Variants in CACNA2D4 observed in about 807,000 individuals in gnomAD.
CACNA2D4 encodes the protein calcium voltage-gated channel auxiliary subunit alpha2delta 4, also known as voltage-dependent calcium channel subunit alpha-2/delta-4.
A neutral mutation model predicts 163.8 loss-of-function variants in CACNA2D4; 157 were observed. The observed-to-expected ratio is 0.96, with a 90% CI of 0.84 to 1.09. CACNA2D4 has a LOEUF of 1.09. Ranked by LOEUF, CACNA2D4 falls within the 50% of genes least tolerant of loss-of-function variation. CACNA2D4 has a pLI of 0.00. For synonymous variants in CACNA2D4, 598 were observed against 586.9 expected (o/e 1.02, Z -0.27); for missense variants, 1,410 against 1,479.9 (o/e 0.95, Z 0.78).
At chr12:1,866,107 G>C (rs1865646655) in intron 18 of CACNA2D4, among the ~76,000 whole-genome samples, 5 of 152,196 alleles carry the variant, frequency 3.3e-5, no homozygotes, top group African/African-American at 9.6e-5. Context: ...GGGTGAGAGT[G>C]TTCAATATTT....
In CACNA2D4 at chr12:1,858,691, G is replaced by A. The variant is rs374659883; in HGVS notation, c.1941-47C>T. 4.2e-5 allele frequency: 63 copies of A among 1,492,926 alleles called. 1 individual carries two copies. Among genetic ancestry groups the A allele is most frequent in the Admixed American group, 2.8e-4 (15 of 54,086 alleles). 92.5% of individuals were successfully genotyped at this position (1,492,926 alleles called of 1,614,324 possible). ...CACTCATTCAGCAGCAGCAGATGCC[G>A]GCCTGTCTCCCGGGCCTCGTCCTTG... On this transcript the variant is annotated intron_variant, in intron 19 of 37. Coordinates refer to ENST00000382722, the MANE Select transcript of CACNA2D4 (RefSeq NM_172364.5).
chr12:1,828,053 C>G lies in CACNA2D4; in HGVS notation c.2551+12686G>C. On this transcript the variant is annotated intron_variant, in intron 26 of 37. Transcript: ENST00000382722. This position sits in a 1 kb window ranked among gnomAD's most constrained non-coding sequence, Gnocchi z 4.2. ...AACGGGGCTCCCGCGCCTGCCTGTG[C>G]TCAGTGCTCCTCCCTCCCTCAGGAC... 9.7e-6 allele frequency: 12 copies of G among 1,232,466 alleles called. No homozygotes were observed. Among genetic ancestry groups the G allele is most frequent in the Non-Finnish European group, 1.2e-5 (11 of 924,686 alleles). The allele number at this position is 1,232,466 out of a possible 1,614,324, so 76.3% of individuals were successfully genotyped here.
intron 29 of CACNA2D4, among the ~76,000 whole-genome samples, chr12:1,803,081 T>G (rs1863394362): frequency 6.6e-6 from 1 of 152,156 alleles, no homozygotes; most frequent in African/African-American, 2.4e-5. Flanking sequence ...TGATGACATG[T>G]GTGATAACTA....
At position 1,827,832 on chromosome 12, in the gene CACNA2D4, A is replaced by G. The variant is rs148779532; in HGVS notation, c.2551+12907T>C. On this transcript the variant is annotated intron_variant, in intron 26 of 37. Transcript: ENST00000382722. ...TGAGGCTGGGTAGGCCCATGGGTGC[A>G]CCCCCAGCTTTGCGGCACTGTGCCC... The G allele has an allele frequency of 1.0e-3, 355 of 338,714 alleles. 4 individuals carry two copies. Among genetic ancestry groups the G allele is most frequent in the African/African-American group, 7.0e-3 (331 of 47,362 alleles). 21.0% of individuals were successfully genotyped at this position (338,714 alleles called of 1,614,324 possible).
At chr12:1,896,635 AC>A (rs879882183) in intron 6 of CACNA2D4, among the ~76,000 whole-genome samples, 7,281 of 143,922 alleles carry the variant, frequency 0.051, 357 homozygotes, top group African/African-American at 0.13. Context: ...ACACACACAC[AC>A]ACACACACAC....
At position 1,828,149 on chromosome 12, in the gene CACNA2D4, A is replaced by G; in HGVS notation, c.2551+12590T>C. The G allele has an allele frequency of 6.5e-7, 1 of 1,540,926 alleles. No individual in the cohort carries two copies. The highest frequency in any genetic ancestry group is 8.8e-7 in the Non-Finnish European group (1 of 1,142,266). Reference sequence around the variant, plus strand: ...GGCCCGGAGAGCCGTGGGCCTCACCATGCTGGCGCCGGGCAGCAGCCCTGG... The same window carrying G: ...GGCCCGGAGAGCCGTGGGCCTCACCGTGCTGGCGCCGGGCAGCAGCCCTGG... On this transcript the variant is annotated intron_variant, in intron 26 of 37. Coordinates refer to ENST00000382722, the MANE Select transcript of CACNA2D4 (RefSeq NM_172364.5). This position sits in a 1 kb window ranked among gnomAD's most constrained non-coding sequence, Gnocchi z 4.2.
In CACNA2D4 at chr12:1,844,683, G is replaced by A. The variant is rs576794012; in HGVS notation, c.2343-154C>T. Among the ~76,000 whole-genome samples the A allele has an allele frequency of 2.2e-4, 33 of 152,298 alleles. 1 individual carries two copies. The highest frequency in any genetic ancestry group is 1.8e-3 in the Admixed American group (27 of 15,302). Reference sequence around the variant, plus strand: ...CAGACAATGCTTCCCAGCAATTCTCGCCTTTTCCAGAAACAAAACGATGTC... The same window carrying A: ...CAGACAATGCTTCCCAGCAATTCTCACCTTTTCCAGAAACAAAACGATGTC... On this transcript the variant is annotated intron_variant, in intron 24 of 37. Coordinates refer to ENST00000382722, the MANE Select transcript of CACNA2D4 (RefSeq NM_172364.5). This position sits in a 1 kb window ranked among gnomAD's most constrained non-coding sequence, Gnocchi z 4.2.
chr12:1,908,576 C>G (rs1240158553), intron 4 of CACNA2D4, among the ~76,000 whole-genome samples: 1 of 152,132 alleles, frequency 6.6e-6, no homozygotes, highest in Non-Finnish European at 1.5e-5. Context: ...TTCCTCCACA[C>G]GACCGGGTTC....
intron 6 of CACNA2D4, among the ~76,000 whole-genome samples, chr12:1,896,132 T>C (rs918920984): frequency 1.7e-4 from 26 of 152,174 alleles, no homozygotes; most frequent in African/African-American, 6.3e-4. Context: ...ACTATAAAGC[T>C]ACTAGAAGAA....
intron 24 of CACNA2D4, among the ~76,000 whole-genome samples, chr12:1,845,270 G>A (rs1249904940): frequency 6.6e-6 from 1 of 151,992 alleles, no homozygotes; most frequent in Non-Finnish European, 1.5e-5. Flanking sequence ...AGAGGCACTG[G>A]GAAGGTCTGT....
At chr12:1,892,334 G>C (rs1040386018) in intron 6 of CACNA2D4, among the ~76,000 whole-genome samples, 5 of 152,130 alleles carry the variant, frequency 3.3e-5, no homozygotes, top group African/African-American at 1.2e-4. Flanking sequence ...TATAAACAAA[G>C]GAGAAATAAA....
At chr12:1,907,324 T>C (rs1016303884) in intron 6 of CACNA2D4, 116 bp downstream of exon 6, 68 of 921,310 alleles carry the variant, frequency 7.4e-5, no homozygotes, top group Non-Finnish European at 1.1e-4. Flanking sequence ...TGCTTTGGGA[T>C]AGGAGGACCA....
intron 26 of CACNA2D4, among the ~76,000 whole-genome samples, chr12:1,817,030 T>A (rs1412039025): frequency 1.3e-5 from 2 of 152,250 alleles, no homozygotes; most frequent in African/African-American, 4.8e-5. Flanking sequence ...TAGCCCTTTA[T>A]CTGCTTCTCT....
chr12:1,860,116 C>G (rs751790553), intron 19 of CACNA2D4, 29 bp downstream of exon 19: 1 of 1,584,942 alleles, frequency 6.3e-7, no homozygotes, highest in Admixed American at 1.7e-5. Flanking sequence ...CAACCCTCAC[C>G]CCGTGCAAAT....
intron 26 of CACNA2D4, among the ~76,000 whole-genome samples, chr12:1,821,085 G>A (rs932672098): frequency 3.3e-5 from 5 of 152,308 alleles, no homozygotes; most frequent in Admixed American, 6.5e-5. Flanking sequence ...CAGCGCTGGC[G>A]CCAGATGACA....
intron 22 of CACNA2D4, among the ~76,000 whole-genome samples, chr12:1,855,735 G>A (rs1949869010): frequency 6.6e-6 from 1 of 152,352 alleles, no homozygotes; most frequent in African/African-American, 2.4e-5. Flanking sequence ...CCTTAACAGA[G>A]CTTGGTGGAT....
At chr12:1,898,793 C>G (rs751635568) in intron 6 of CACNA2D4, among the ~76,000 whole-genome samples, 4 of 151,842 alleles carry the variant, frequency 2.6e-5, no homozygotes, top group Non-Finnish European at 5.9e-5. Context: ...ATGGATGGAC[C>G]TTAAGGGCAT....
chr12:1,892,679 T>C (rs1866313787), intron 6 of CACNA2D4, among the ~76,000 whole-genome samples: 1 of 152,114 alleles, frequency 6.6e-6, no homozygotes, highest in Non-Finnish European at 1.5e-5. Context: ...AAACTTTCTA[T>C]TTAAAAGGTA....
At position 1,806,889 on chromosome 12, in the gene CACNA2D4, TA is replaced by T. The variant is rs1863555828; in HGVS notation, c.2721+3388del. Among the ~76,000 whole-genome samples the T allele has an allele frequency of 6.6e-6, 1 of 151,874 alleles. No individual in the cohort carries two copies. Among genetic ancestry groups the T allele is most frequent in the Admixed American group, 6.5e-5 (1 of 15,268 alleles). On this transcript the variant is annotated intron_variant, in intron 29 of 37. Transcript: ENST00000382722. The surrounding 1 kb of genome is among the most constrained non-coding windows in gnomAD (Gnocchi z 4.1). ...GAGGAGCAGTGAGGAATGAATGAGT[TA>T]GGGGAGGCCAGGCCCTGTGGCCCTC... is the stretch of plus-strand genomic sequence containing the variant.
Sources: gnomAD v4.1 joint callset for allele counts (sites outside exome capture counted in the v4.1 genomes callset) on GRCh38, gnomAD v4.1.1 for gene constraint, Gnocchi (gnomAD v3.1) non-coding constraint, MANE v1.5 for transcripts, NCBI Gene and HGNC (gene_info 2026-07-23, HGNC 2026-07-21) for gene names.